THAP6: variants seen among roughly 807,000 people sequenced by gnomAD.
THAP6 encodes the protein THAP domain containing 6, also known as THAP domain-containing protein 6.
In THAP6, 13 loss-of-function variants were observed where a neutral mutation model predicts 20.0. The observed-to-expected ratio is 0.65, with a 90% CI of 0.42 to 1.03. The LOEUF (loss-of-function observed/expected upper bound fraction) is 1.03. Among genes scored for constraint, THAP6 ranks in the 50% least tolerant of loss-of-function variants. The pLI, the probability that THAP6 is intolerant of heterozygous loss-of-function variation, is 0.00. For synonymous variants in THAP6, 93 were observed against 92.2 expected, an observed-to-expected ratio of 1.01 and a Z score of -0.05; for missense variants, 262 against 261.6, an observed-to-expected ratio of 1.00 and a Z score of -0.01.
intron 3 of THAP6, chr4:75,517,289 T>C (rs1482707742): frequency 1.8e-5 from 4 of 220,888 alleles, no homozygotes; most frequent in Non-Finnish European, 3.6e-5. Context: ...GTGCTGGGAT[T>C]ACAGGCATGA....
At chr4:75,521,905 GA>G (rs1386726122) in intron 4 of THAP6, 44 bp downstream of exon 4, 26 of 1,610,512 alleles carry the variant, frequency 1.6e-5, no homozygotes, top group Non-Finnish European at 2.0e-5. Flanking sequence ...CTTTTAAGAT[GA>G]ATATGTCCTC....
chr4:75,542,411 A>G (rs184139139), exon 3 of THAP6: 1 of 701,740 alleles, frequency 1.4e-6, no homozygotes, highest in Non-Finnish European at 2.6e-6. Flanking sequence ...TGTTTCAGAT[A>G]TCCATGTTCA....
At chr4:75,545,692 C>A (rs191062183) in intron 3 of THAP6, among the ~76,000 whole-genome samples, 5 of 152,310 alleles carry the variant, frequency 3.3e-5, no homozygotes, top group Admixed American at 3.3e-4. Context: ...ATAGCAGCTT[C>A]CCCGGATTAC....
At position 75,536,700 on chromosome 4, in the gene THAP6, G is replaced by T. The variant is rs112742894; in HGVS notation, c.166-5709G>T. Among the ~76,000 whole-genome samples, 731 of 152,124 alleles carry T rather than the reference G, an allele frequency of 4.8e-3. 8 individuals carry two copies. The highest frequency in any genetic ancestry group is 0.017 in the African/African-American group (688 of 41,500). On this transcript the variant is annotated intron_variant, in intron 2 of 4. Coordinates refer to the THAP6 transcript ENST00000502620. The stretch of plus-strand genomic sequence containing the variant: ...TTTTTGTATTTTTTGTAGAGACAAG[G>T]TTTCACCATGTTGCCCAGGCTGGTC...
chr4:75,534,728 C>G (rs148713005), downstream of THAP6, among the ~76,000 whole-genome samples: 13,461 of 152,048 alleles, frequency 0.089, 977 homozygotes, highest in African/African-American at 0.18. Context: ...AAAAAACAAC[C>G]CCATCAACAA....
At chr4:75,545,363 A>G (rs1727102506) in intron 3 of THAP6, among the ~76,000 whole-genome samples, 1 of 152,182 alleles carries the variant, frequency 6.6e-6, no homozygotes, top group Admixed American at 6.5e-5. Flanking sequence ...CACCAGGATG[A>G]GGTTAGGAAC....
chr4:75,542,526 C>T (rs1164676218), intron 3 of THAP6: 10 of 698,210 alleles, frequency 1.4e-5, no homozygotes, highest in African/African-American at 3.5e-5. Flanking sequence ...TTTATTAACT[C>T]ATTTAACTTC....
intron 2 of THAP6, among the ~76,000 whole-genome samples, chr4:75,516,323 G>T (rs1725628508): frequency 6.6e-6 from 1 of 152,182 alleles, no homozygotes; most frequent in African/African-American, 2.4e-5. Context: ...CTGTAGACCT[G>T]CTATGTATTA....
intron 2 of THAP6, chr4:75,539,967 A>G (rs964131752): frequency 1.4e-5 from 21 of 1,534,760 alleles, no homozygotes; most frequent in Non-Finnish European, 1.8e-5. Context: ...CAGGTAGGCT[A>G]TTTGTGCCTT....
intron 2 of THAP6, among the ~76,000 whole-genome samples, chr4:75,539,702 T>C (rs1279831941): frequency 6.6e-6 from 1 of 152,144 alleles, no homozygotes; most frequent in East Asian, 1.9e-4. Flanking sequence ...GGGAAGTGGG[T>C]CAACTTGCTG....
At chr4:75,516,690 T>G in intron 2 of THAP6, 82 bp from the exon 3 acceptor site, 2 of 1,145,966 alleles carry the variant, frequency 1.7e-6, no homozygotes, top group Non-Finnish European at 2.5e-6. Flanking sequence ...ATCAATTTAG[T>G]CACAGTTGTA....
intron 2 of THAP6, among the ~76,000 whole-genome samples, chr4:75,535,103 G>A (rs551482510): frequency 6.6e-6 from 1 of 152,154 alleles, no homozygotes; most frequent in Admixed American, 6.5e-5. Flanking sequence ...ACATGCACAC[G>A]TATGAGAAAC....
At position 75,521,733 on chromosome 4, in the gene THAP6, CAG is replaced by C. The variant is rs776585581; in HGVS notation, c.289-2_289-1del. 3.1e-6 allele frequency: 5 copies of C among 1,607,044 alleles called. No individual in the cohort carries two copies. The highest frequency in any genetic ancestry group is 1.7e-5 in the Admixed American group (1 of 59,282). On this transcript the variant is annotated splice_acceptor_variant, in intron 3 of 4. Transcript: ENST00000311638. LOFTEE classifies it high-confidence loss of function. ...GATGATTATTATTAACTACTCTTAA[CAG>C]GGGAAAAGAGAAAAACTTCATTGTA...
At chr4:75,545,514 G>A (rs1727106506) in intron 3 of THAP6, among the ~76,000 whole-genome samples, 1 of 152,160 alleles carries the variant, frequency 6.6e-6, no homozygotes, top group Non-Finnish European at 1.5e-5. Context: ...CCACCTTCAA[G>A]TCAGTGCCAA....
chr4:75,526,829 C>T, intron 4 of THAP6, 131 bp from the exon 5 acceptor site: 1 of 1,376,596 alleles, frequency 7.3e-7, no homozygotes, highest in Non-Finnish European at 9.7e-7. Flanking sequence ...TCCTGTGTTC[C>T]TTAAACCTCT....
chr4:75,541,460 G>GTA, intron 2 of THAP6, among the ~76,000 whole-genome samples: 1 of 152,090 alleles, frequency 6.6e-6, no homozygotes, highest in Middle Eastern at 3.4e-3. Context: ...GTGTGTGTGT[G>GTA]TGTGTAAGTA....
Position 75,528,302 on chromosome 4 carries a change from C to T in THAP6, c.*1088C>T, listed in dbSNP as rs1166420519. ...GTTATTTCCTAATTGATCCAAGTCT[C>T]ATAAATTTAGCTTTTGTCATAATTC... is the stretch of plus-strand genomic sequence containing the variant. On this transcript the variant is annotated 3_prime_UTR_variant, in exon 5 of 5. Transcript: ENST00000311638. 3.0e-6 allele frequency: 3 copies of T among 985,390 alleles called. No homozygotes were observed. Among genetic ancestry groups the T allele is most frequent in the East Asian group, 1.1e-4 (1 of 8,812 alleles). The allele number at this position is 985,390 out of a possible 1,614,324, so 61.0% of individuals were successfully genotyped here.
intron 4 of THAP6, among the ~76,000 whole-genome samples, chr4:75,526,018 C>A (rs1219985075): frequency 6.6e-6 from 1 of 152,168 alleles, no homozygotes; most frequent in African/African-American, 2.4e-5. Flanking sequence ...AGTACTTTGT[C>A]CTGTGAACTG....
intron 3 of THAP6, 27 bp downstream of exon 3, chr4:75,517,006 T>A: frequency 7.2e-5 from 88 of 1,214,080 alleles, no homozygotes; most frequent in Non-Finnish European, 1.0e-4. Flanking sequence ...CTGTTTACCA[T>A]CATTGCTCAC....
Sources: gnomAD v4.1 joint callset for allele counts (sites outside exome capture counted in the v4.1 genomes callset) on GRCh38, gnomAD v4.1.1 for gene constraint, MANE v1.5 for transcripts, NCBI Gene and HGNC (gene_info 2026-07-23, HGNC 2026-07-21) for gene names.